The following DMD variants were observed in gnomAD, a reference collection of about 807,000 sequenced individuals.
DMD encodes dystrophin, also known as mutant dystrophin.
In DMD, 63 loss-of-function variants were observed where a neutral mutation model predicts 330.1. That is an observed-to-expected ratio of 0.19 (90% confidence interval 0.16 to 0.24). The LOEUF (loss-of-function observed/expected upper bound fraction) is 0.24, where lower values mean the gene tolerates loss of function less well. DMD is among the 10% of genes least tolerant of loss of function. The pLI is 1.00. For synonymous variants in DMD, 1,223 were observed against 959.8 expected, an observed-to-expected ratio of 1.27 and a Z score of -5.07; for missense variants, 3,344 against 2,684.1, an observed-to-expected ratio of 1.25 and a Z score of -5.43.
chrX:33,271,548 C>G (rs1569559391), intron 1 of DMD, among the ~76,000 whole-genome samples: 1 of 110,521 alleles, frequency 9.0e-6, no homozygotes, highest in Non-Finnish European at 1.9e-5. Flanking sequence ...AGGCAGATCA[C>G]CTGAGGTCAG....
chrX:32,896,152 G>A (rs1490721623), intron 2 of DMD, among the ~76,000 whole-genome samples: 1 of 111,179 alleles, frequency 9.0e-6, no homozygotes, highest in African/African-American at 3.3e-5. Flanking sequence ...TTGCAATAAA[G>A]GGTTCAAAAA....
Position 32,164,794 on chromosome X carries a change from T to TC in DMD, c.6438+52121dup, listed in dbSNP as rs77592814. Among the ~76,000 whole-genome samples, 19 of 104,320 alleles carry TC rather than the reference T, an allele frequency of 1.8e-4. No individual in the cohort carries two copies. In the South Asian group the frequency reaches 2.1e-3, roughly 12 times the overall value. The allele number at this position is 104,320 out of a possible 115,157, so 90.6% of individuals were successfully genotyped here. On this transcript the variant is annotated intron_variant, in intron 44 of 78. Coordinates refer to ENST00000357033, the MANE Select transcript of DMD (RefSeq NM_004006.3). ...GGCAAAAATGGTTTCGTGGACCAGG[T>TC]CCCCCCCCCAACCCCACCACTGTGT... is the stretch of plus-strand genomic sequence containing the variant.
intron 52 of DMD, among the ~76,000 whole-genome samples, chrX:31,693,089 G>A (rs1486980478): frequency 9.0e-6 from 1 of 111,723 alleles, no homozygotes; most frequent in Non-Finnish European, 1.9e-5. Flanking sequence ...GACCAAGAGG[G>A]ATTTATCCCT....
chrX:32,701,658 T>C (rs1183193116), intron 7 of DMD, among the ~76,000 whole-genome samples: 1 of 111,622 alleles, frequency 9.0e-6, no homozygotes, highest in African/African-American at 3.2e-5. Flanking sequence ...ATTTTTAGTA[T>C]ATTAAATAAA....
chrX:31,953,497 GT>G (rs1468099899), intron 45 of DMD, among the ~76,000 whole-genome samples: 3 of 112,079 alleles, frequency 2.7e-5, no homozygotes, highest in African/African-American at 3.2e-5. Flanking sequence ...CATATACAAA[GT>G]TTAGTACTTT....
rs1444296294 is a variant in DMD at position 32,317,982 on chromosome X, T to C, written c.5923-7706A>G. ...AAGTATGTCAGTTTGTATCTGATTATCTTTCCTCAAAGGGACATTCTTAAA... is the reference window on the plus strand; with the variant it reads ...AAGTATGTCAGTTTGTATCTGATTACCTTTCCTCAAAGGGACATTCTTAAA... On this transcript the variant is annotated intron_variant, in intron 41 of 78. Coordinates refer to ENST00000357033, the MANE Select transcript of DMD (RefSeq NM_004006.3). 2.7e-5 allele frequency among the ~76,000 whole-genome samples: 3 copies of C among 111,096 alleles called. No individual in the cohort carries two copies. The East Asian group carries it at 8.5e-4, about 31-fold the overall frequency.
At chrX:31,593,547 ATTG>A (rs1297223560) in intron 55 of DMD, among the ~76,000 whole-genome samples, 1 of 111,265 alleles carries the variant, frequency 9.0e-6, no homozygotes, top group African/African-American at 3.2e-5. Context: ...CTCTTATCTG[ATTG>A]TTTACAGAGC....
intron 63 of DMD, among the ~76,000 whole-genome samples, chrX:31,239,149 A>G (rs141206421): frequency 1.5e-3 from 164 of 111,921 alleles, no homozygotes; most frequent in African/African-American, 4.7e-3. Context: ...AATTGTATGC[A>G]ACTGACTTAC....
chrX:32,404,487 A>C (rs1270726412), intron 30 of DMD, among the ~76,000 whole-genome samples: 6 of 111,579 alleles, frequency 5.4e-5, no homozygotes, highest in Non-Finnish European at 1.1e-4. Context: ...TTCTTTGGGA[A>C]AAAACAAATA....
intron 47 of DMD, among the ~76,000 whole-genome samples, chrX:31,924,822 T>C (rs993298122): frequency 8.9e-6 from 1 of 112,198 alleles, no homozygotes. Flanking sequence ...CAAATTCAAA[T>C]AGTAATTTAC....
intron 25 of DMD, among the ~76,000 whole-genome samples, chrX:32,462,605 T>C (rs1401105388): frequency 9.6e-6 from 1 of 104,407 alleles, no homozygotes; most frequent in Non-Finnish European, 1.9e-5. Flanking sequence ...ATTTTGTGTG[T>C]GTTTTTTTTT....
rs1032935100 is a variant in DMD, at chrX:32,107,366, G to C, written c.6438+109550C>G. 6.5e-5 allele frequency among the ~76,000 whole-genome samples: 6 copies of C among 91,807 alleles called. No homozygotes were observed. The East Asian group carries it at 1.4e-3, about 21-fold the overall frequency. The allele number at this position is 91,807 out of a possible 115,157, so 79.7% of individuals were successfully genotyped here. On this transcript the variant is annotated intron_variant, in intron 44 of 78. Transcript: ENST00000357033. ...TGTGTGTGTGTGTGTGTGTGTGTGT[G>C]TGTGTGTCTCTGTGTGTGTTTGTAT...
At chrX:31,828,524 C>T (rs1451560979) in intron 49 of DMD, among the ~76,000 whole-genome samples, 1 of 109,084 alleles carries the variant, frequency 9.2e-6, no homozygotes, top group East Asian at 2.9e-4. Flanking sequence ...ATTAGCTGGG[C>T]GTGGTGGTGG....
chrX:32,525,106 C>T (rs2046822345), intron 17 of DMD, among the ~76,000 whole-genome samples: 1 of 111,720 alleles, frequency 9.0e-6, no homozygotes, highest in African/African-American at 3.3e-5. Context: ...CAGGTGGACA[C>T]TGAACCCAAT....
rs776483367 is a variant in DMD at position 32,468,170 on chromosome X, G to A, written c.3162+328C>T. On this transcript the variant is annotated intron_variant, in intron 23 of 78. Transcript: ENST00000357033. ...ATACATAACTTTTTTCTAGTCATAAGCTAAATGATTACCCGTATCTTAAAA... is the reference window on the plus strand; with the variant it reads ...ATACATAACTTTTTTCTAGTCATAAACTAAATGATTACCCGTATCTTAAAA... 3.5e-3 allele frequency among the ~76,000 whole-genome samples: 381 copies of A among 110,323 alleles called. 1 individual carries two copies. Among genetic ancestry groups the A allele is most frequent in the Non-Finnish European group, 5.1e-3 (270 of 52,769 alleles).
intron 2 of DMD, among the ~76,000 whole-genome samples, chrX:32,927,363 C>CTTTTTTTTTTTTTTTTTTTTTTTTTTTT (rs536073565): frequency 1.8e-5 from 1 of 57,036 alleles, no homozygotes; most frequent in Non-Finnish European, 3.1e-5. Context: ...TTCTTTCTTT[C>CTTTTTTTTTTTTTTTTTTTTTTTTTTTT]TTTTTTTTTT....
chrX:32,332,494 A>T (rs924650925), intron 41 of DMD, among the ~76,000 whole-genome samples: 14 of 108,762 alleles, frequency 1.3e-4, no homozygotes, highest in Non-Finnish European at 1.9e-4. Flanking sequence ...ACTTTTGAGT[A>T]AAGAAGTTAA....
At chrX:32,468,776 A>G in intron 22 of DMD, 66 bp from the exon 23 acceptor site, 1 of 902,907 alleles carries the variant, frequency 1.1e-6, no homozygotes, top group Non-Finnish European at 1.6e-6. Flanking sequence ...GTTTTAGTGA[A>G]ATTAACTGTA....
intron 1 of DMD, among the ~76,000 whole-genome samples, chrX:33,069,138 C>T (rs893980643): frequency 5.4e-5 from 6 of 111,808 alleles, no homozygotes; most frequent in African/African-American, 1.9e-4. Flanking sequence ...TTGCTTTACA[C>T]ATTGCTTGGA....
Sources: allele counts gnomAD v4.1 joint callset (sites outside exome capture counted in the v4.1 genomes callset), GRCh38; gene constraint gnomAD v4.1.1; transcripts MANE v1.5; gene names NCBI Gene and HGNC (gene_info 2026-07-23, HGNC 2026-07-21).